The following CPLX2 variants were observed in gnomAD, a reference collection of about 807,000 sequenced individuals.
The protein encoded by CPLX2 is complexin-2.
Under a neutral mutation model 16.3 loss-of-function variants are expected in CPLX2, and 5 were observed. The ratio of observed to expected loss-of-function variants is 0.31; its 90% CI spans 0.16 to 0.64. The LOEUF (loss-of-function observed/expected upper bound fraction) is 0.64. CPLX2 is among the 30% of genes least tolerant of loss of function. CPLX2 has a pLI of 0.79. For missense variants in CPLX2, 144 were observed against 181.4 expected (o/e 0.79, Z 1.18); for synonymous variants, 89 against 73.2 (o/e 1.22, Z -1.10).
At chr5:175,835,580 C>G (rs1178588324) in intron 2 of CPLX2, among the ~76,000 whole-genome samples, 2 of 152,118 alleles carry the variant, frequency 1.3e-5, no homozygotes, top group African/African-American at 4.8e-5. Flanking sequence ...GGAATCCAAC[C>G]ATCTGCACCT....
chr5:175,808,514 A>G (rs1339440697), intron 1 of CPLX2, among the ~76,000 whole-genome samples: 1 of 152,128 alleles, frequency 6.6e-6, no homozygotes, highest in Non-Finnish European at 1.5e-5. Context: ...AACAACAGCA[A>G]TCATAACAAG....
intron 2 of CPLX2, among the ~76,000 whole-genome samples, chr5:175,821,524 T>C (rs1007052898): frequency 1.2e-4 from 19 of 152,162 alleles, no homozygotes; most frequent in Middle Eastern, 3.4e-3. Context: ...TCTCCCGCCT[T>C]AGCCTCCTGA....
intron 2 of CPLX2, among the ~76,000 whole-genome samples, chr5:175,820,464 G>A (rs1036055270): frequency 2.0e-5 from 3 of 152,138 alleles, no homozygotes; most frequent in Admixed American, 6.5e-5. Flanking sequence ...AGGTGTGGTG[G>A]GCCAGGCATG....
intron 2 of CPLX2, among the ~76,000 whole-genome samples, chr5:175,821,729 A>G (rs969977215): frequency 6.6e-6 from 1 of 152,302 alleles, no homozygotes; most frequent in Non-Finnish European, 1.5e-5. Context: ...TCTTATTGGG[A>G]CACTCATTTC....
intron 2 of CPLX2, among the ~76,000 whole-genome samples, chr5:175,853,953 G>T (rs1473672247): frequency 2.0e-5 from 3 of 152,162 alleles, no homozygotes; most frequent in African/African-American, 7.2e-5. Context: ...CATGGTACCT[G>T]TTCCTCCATG....
intron 2 of CPLX2, among the ~76,000 whole-genome samples, chr5:175,825,404 GAA>G (rs56851110): frequency 1.6e-5 from 2 of 128,868 alleles, no homozygotes; most frequent in Admixed American, 7.8e-5. Context: ...CAAACAAAAA[GAA>G]AAAAAAAAAG....
upstream of CPLX2, chr5:175,871,539 G>A (rs1321437460): frequency 6.6e-6 from 1 of 151,156 alleles, no homozygotes; most frequent in African/African-American, 2.4e-5. Flanking sequence ...CCCGGCTGAG[G>A]GGCGTGATTG....
At chr5:175,865,708 TG>T (rs1759462658) in intron 2 of CPLX2, among the ~76,000 whole-genome samples, 1 of 152,234 alleles carries the variant, frequency 6.6e-6, no homozygotes, top group Non-Finnish European at 1.5e-5. Flanking sequence ...CAGGATCTTA[TG>T]ATTCTCTGAC....
chr5:175,826,623 G>T (rs1358377437), intron 2 of CPLX2, among the ~76,000 whole-genome samples: 1 of 152,090 alleles, frequency 6.6e-6, no homozygotes, highest in African/African-American at 2.4e-5. Flanking sequence ...GATGTGGGAA[G>T]GAGACGAAGA....
chr5:175,873,139 G>C (rs1759674787), intron 1 of CPLX2: 1 of 117,850 alleles, frequency 8.5e-6, no homozygotes, highest in Admixed American at 1.0e-4. Flanking sequence ...CCCTTCCCGC[G>C]CAGGGATAGA....
intron 2 of CPLX2, among the ~76,000 whole-genome samples, chr5:175,865,533 A>C (rs1759457694): frequency 6.6e-6 from 1 of 152,224 alleles, no homozygotes; most frequent in Non-Finnish European, 1.5e-5. Context: ...GAACAAAATC[A>C]CACTCCAGGG....
intron 1 of CPLX2, among the ~76,000 whole-genome samples, chr5:175,806,511 A>G (rs1175519366): frequency 6.6e-6 from 1 of 151,946 alleles, no homozygotes; most frequent in African/African-American, 2.4e-5. Flanking sequence ...TGTTTTTGAG[A>G]CAGAGTTTCA....
upstream of CPLX2, chr5:175,871,463 GA>G (rs1759611163): frequency 6.8e-6 from 1 of 147,440 alleles, no homozygotes; most frequent in Non-Finnish European, 1.5e-5. Flanking sequence ...GAGAGAGAGA[GA>G]GAGAGAGAGA....
At chr5:175,847,100 TAA>T (rs1228640309) in intron 2 of CPLX2, among the ~76,000 whole-genome samples, 1 of 152,024 alleles carries the variant, frequency 6.6e-6, no homozygotes, top group African/African-American at 2.4e-5. Context: ...GGTGTGTAAA[TAA>T]AGAGGCGTGG....
At chr5:175,866,240 T>C (rs994986796) in intron 2 of CPLX2, among the ~76,000 whole-genome samples, 2 of 152,186 alleles carry the variant, frequency 1.3e-5, no homozygotes, top group African/African-American at 4.8e-5. Flanking sequence ...GCTGGGGTCA[T>C]TGGCTAGCTC....
intron 2 of CPLX2, among the ~76,000 whole-genome samples, chr5:175,860,730 C>T (rs1759357922): frequency 6.6e-6 from 1 of 152,064 alleles, no homozygotes; most frequent in African/African-American, 2.4e-5. Flanking sequence ...GAGCCAATCA[C>T]CATGGCCAGG....
intron 1 of CPLX2, among the ~76,000 whole-genome samples, chr5:175,806,196 CT>C (rs5873513): frequency 7.4e-5 from 11 of 147,954 alleles, no homozygotes; most frequent in South Asian, 6.4e-4. Flanking sequence ...ACCCGCCAGT[CT>C]TTTTTTTTTT....
chr5:175,860,429 G>A (rs1351850345), intron 2 of CPLX2, among the ~76,000 whole-genome samples: 2 of 144,386 alleles, frequency 1.4e-5, no homozygotes, highest in African/African-American at 2.7e-5. Context: ...AGGAAGGAAG[G>A]AAGGAAGAAA....
chr5:175,837,512 A>C (rs1758860357), intron 2 of CPLX2: 1 of 152,234 alleles, frequency 6.6e-6, no homozygotes, highest in East Asian at 1.9e-4. Flanking sequence ...TTGTGTCCCC[A>C]TTCTGCAGAC....
Sources: allele counts gnomAD v4.1 joint callset (sites outside exome capture counted in the v4.1 genomes callset), GRCh38; gene constraint gnomAD v4.1.1; transcripts MANE v1.5; gene names NCBI Gene and HGNC (gene_info 2026-07-23, HGNC 2026-07-21).